RGS6: variants seen among roughly 807,000 people sequenced by gnomAD.
RGS6 encodes the protein regulator of G-protein signaling 6.
In RGS6, 30 loss-of-function variants were observed where a neutral mutation model predicts 78.5. The ratio of observed to expected loss-of-function variants is 0.38; its 90% CI spans 0.29 to 0.52. RGS6 has a LOEUF of 0.52. Among genes scored for constraint, RGS6 ranks in the 20% least tolerant of loss-of-function variants. The pLI is 0.85. For missense variants in RGS6, 495 were observed against 609.7 expected (o/e 0.81, Z 1.98); for synonymous variants, 206 against 206.0 (o/e 1.00, Z 0.00).
At chr14:72,420,866 A>G (rs1019407131) in intron 3 of RGS6, 12 of 152,342 alleles carry the variant, frequency 7.9e-5, no homozygotes, top group African/African-American at 2.9e-4. Flanking sequence ...ACATTCCTGT[A>G]ACCTGGCAGT....
intron 2 of RGS6, among the ~76,000 whole-genome samples, chr14:71,981,979 A>G (rs1204830751): frequency 6.6e-6 from 1 of 151,958 alleles, no homozygotes; most frequent in Admixed American, 6.6e-5. Context: ...TGTGGGATAT[A>G]ATCTCGTGGT....
At chr14:72,446,586 G>A (rs2095369587) in intron 3 of RGS6, among the ~76,000 whole-genome samples, 1 of 152,180 alleles carries the variant, frequency 6.6e-6, no homozygotes, top group Admixed American at 6.5e-5. Flanking sequence ...CAGGGTTGTG[G>A]GGGATGGTTT....
chr14:72,423,664 C>A (rs1053766998), intron 3 of RGS6, among the ~76,000 whole-genome samples: 8 of 133,730 alleles, frequency 6.0e-5, no homozygotes, highest in African/African-American at 1.9e-4. Context: ...ACACTGAAGA[C>A]TACTAGAGGG....
At chr14:72,595,444 C>G in the RGS6 span, among the ~76,000 whole-genome samples, 11 of 142,570 alleles carry the variant, frequency 7.7e-5, no homozygotes, top group Non-Finnish European at 1.2e-4. Flanking sequence ...TCATTCCCAG[C>G]AAATTCCTGC....
intron 2 of RGS6, among the ~76,000 whole-genome samples, chr14:72,133,522 C>T (rs552961382): frequency 2.0e-5 from 3 of 152,126 alleles, no homozygotes; most frequent in South Asian, 4.2e-4. Context: ...GAGCATAAAC[C>T]GGGCTTCCCT....
intron 2 of RGS6, among the ~76,000 whole-genome samples, chr14:72,308,809 T>G (rs1255955306): frequency 6.6e-6 from 1 of 152,186 alleles, no homozygotes; most frequent in African/African-American, 2.4e-5. Flanking sequence ...GAGAATGAGC[T>G]AGAAAGGAAA....
chr14:72,208,445 G>C (rs1159969821), intron 2 of RGS6, among the ~76,000 whole-genome samples: 1 of 152,184 alleles, frequency 6.6e-6, no homozygotes, highest in Non-Finnish European at 1.5e-5. Flanking sequence ...CTAAGGGTTA[G>C]GTTTTCTGTC....
chr14:72,302,520 C>G (rs1396290213), intron 2 of RGS6, among the ~76,000 whole-genome samples: 1 of 152,166 alleles, frequency 6.6e-6, no homozygotes, highest in Non-Finnish European at 1.5e-5. Context: ...AACTTTTCCC[C>G]CTTTTAGAAT....
intron 2 of RGS6, among the ~76,000 whole-genome samples, chr14:72,169,400 A>C (rs769971662): frequency 6.6e-6 from 1 of 152,100 alleles, no homozygotes; most frequent in Non-Finnish European, 1.5e-5. Context: ...GTCCCTTATG[A>C]CTCCCTTAAG....
chr14:72,085,180 A>G (rs2094977532), intron 2 of RGS6, among the ~76,000 whole-genome samples: 1 of 152,234 alleles, frequency 6.6e-6, no homozygotes, highest in Admixed American at 6.5e-5. Context: ...AGGGTAAGAA[A>G]TCAATAAAGC....
intron 2 of RGS6, among the ~76,000 whole-genome samples, chr14:72,209,224 G>C (rs934671489): frequency 6.6e-6 from 1 of 152,182 alleles, no homozygotes; most frequent in Non-Finnish European, 1.5e-5. Flanking sequence ...CTAGGTGACA[G>C]AGTGAGACCC....
At chr14:71,877,401 C>T in the RGS6 span, among the ~76,000 whole-genome samples, 7 of 152,166 alleles carry the variant, frequency 4.6e-5, no homozygotes. Context: ...CTCTAAACTT[C>T]TCTTCTCACT....
At position 72,540,090 on chromosome 14, in the gene RGS6, G is replaced by A. The variant is rs773067070; in HGVS notation, c.1418G>A (p.Ser473Asn). 3 of 1,588,874 alleles carry A rather than the reference G, an allele frequency of 1.9e-6. No individual in the cohort carries two copies. Among genetic ancestry groups the A allele is most frequent in the Non-Finnish European group, 1.7e-6 (2 of 1,177,288 alleles). Residue 473 changes from serine to asparagine, a missense_variant, in exon 17 of 18, where the codon AGT becomes AAT. Transcript: ENST00000553525. Reference sequence around the variant, plus strand: ...ACTTCCCTAGAAAAGTTCACTCGCAGTGTGGTAAGTTCAGTCGGTTTTCTT... The same window carrying A: ...ACTTCCCTAGAAAAGTTCACTCGCAATGTGGTAAGTTCAGTCGGTTTTCTT... ...RRTSLEKFTR[S>N]VGKSLAGKRL...
rs190349272 is a variant in RGS6 at position 72,237,673 on chromosome 14, G to T, written c.85-114422G>T. On this transcript the variant is annotated intron_variant, in intron 2 of 17. Coordinates refer to ENST00000553525, the MANE Select transcript of RGS6 (RefSeq NM_001204424.2). Reference sequence around the variant, plus strand: ...ACGGGAGAGTTCCCTTGACCCCTTTGCAGGACTTGTGAAAGGGGTGTGGCC... The same window carrying T: ...ACGGGAGAGTTCCCTTGACCCCTTTTCAGGACTTGTGAAAGGGGTGTGGCC... 4.6e-3 allele frequency among the ~76,000 whole-genome samples: 694 copies of T among 152,198 alleles called. 6 individuals are homozygous for T. The highest frequency in any genetic ancestry group is 0.015 in the African/African-American group (627 of 41,520).
At chr14:72,271,689 A>G (rs2059961405) in intron 2 of RGS6, among the ~76,000 whole-genome samples, 1 of 152,264 alleles carries the variant, frequency 6.6e-6, no homozygotes, top group Non-Finnish European at 1.5e-5. Flanking sequence ...CACAAGCTTA[A>G]TGGCTTAAAA....
intron 2 of RGS6, among the ~76,000 whole-genome samples, chr14:72,139,706 C>G (rs1259851979): frequency 6.6e-6 from 1 of 152,132 alleles, no homozygotes; most frequent in Non-Finnish European, 1.5e-5. Flanking sequence ...TGCCTAGGAA[C>G]CAGGGAAATC....
chr14:72,379,238 GA>G (rs1282507260), intron 3 of RGS6, among the ~76,000 whole-genome samples: 1 of 152,008 alleles, frequency 6.6e-6, no homozygotes, highest in Non-Finnish European at 1.5e-5. Flanking sequence ...ACTGAATGGG[GA>G]AATCTTTAAA....
At chr14:72,576,204 A>G in the RGS6 span, among the ~76,000 whole-genome samples, 2 of 152,188 alleles carry the variant, frequency 1.3e-5, no homozygotes, top group African/African-American at 2.4e-5. Context: ...GTTTTTCTAT[A>G]TAGGATATTT....
chr14:72,605,244 C>G, the RGS6 span, among the ~76,000 whole-genome samples: 7 of 152,130 alleles, frequency 4.6e-5, no homozygotes, highest in African/African-American at 1.7e-4. Context: ...GCGCAAATCC[C>G]AGCGAAGGGA....
Sources: allele counts gnomAD v4.1 joint callset (sites outside exome capture counted in the v4.1 genomes callset), GRCh38; gene constraint gnomAD v4.1.1; transcripts MANE v1.5; gene names NCBI Gene and HGNC (gene_info 2026-07-23, HGNC 2026-07-21).